The following FUS variants were observed in gnomAD, a reference collection of about 807,000 sequenced individuals.
The protein encoded by FUS is RNA-binding protein FUS.
A neutral mutation model predicts 82.7 loss-of-function variants in FUS; 5 were observed. That is an observed-to-expected ratio of 0.06 (90% CI 0.03 to 0.13). FUS has a LOEUF of 0.13. Among genes scored for constraint, FUS ranks in the 10% least tolerant of loss-of-function variants. The pLI is 1.00. For missense variants in FUS, 512 were observed against 707.8 expected (o/e 0.72, Z 3.14); for synonymous variants, 281 against 247.4 (o/e 1.14, Z -1.27).
At chr16:31,190,168 G>T (rs377547912) in intron 11 of FUS, 27 bp downstream of exon 11, 35 of 1,613,962 alleles carry the variant, frequency 2.2e-5, no homozygotes, top group Non-Finnish European at 2.9e-5. Context: ...TAGTGGTGCA[G>T]AGGGGTAATG....
chr16:31,183,481 C>A, intron 3 of FUS: 1 of 268,698 alleles, frequency 3.7e-6, no homozygotes, highest in Non-Finnish European at 7.3e-6. Flanking sequence ...TCATGTGATA[C>A]ATAAGGAGGT....
chr16:31,194,633 A>G (rs1391939681), downstream of FUS: 4 of 490,198 alleles, frequency 8.2e-6, no homozygotes, highest in South Asian at 3.1e-5. Context: ...ATTAACTTGT[A>G]TATATTTATG....
At chr16:31,182,071 A>G (rs1355651653) in intron 1 of FUS, 6 of 384,552 alleles carry the variant, frequency 1.6e-5, no homozygotes, top group Non-Finnish European at 2.5e-5. Flanking sequence ...GCTCACTGCA[A>G]CCTCTGCCTC....
At position 31,184,923 on chromosome 16, in the gene FUS, CT is replaced by C. The variant is rs755045476; in HGVS notation, c.524-13del. ...TTTTTGTTTTTTTTTTTTAATCATTCTTTCTTTTCTCACAGGTAACTATGGC... is the reference window on the plus strand; with the variant it reads ...TTTTTGTTTTTTTTTTTTAATCATTCTTCTTTTCTCACAGGTAACTATGGC... On this transcript the variant is annotated splice_polypyrimidine_tract_variant and intron_variant, in intron 5 of 14. Transcript: ENST00000254108. 3.7e-5 allele frequency: 59 copies of C among 1,586,396 alleles called. No homozygotes were observed. The highest frequency in any genetic ancestry group is 5.1e-5 in the Non-Finnish European group (59 of 1,162,814).
chr16:31,185,391 T>C, intron 6 of FUS: 1 of 644,496 alleles, frequency 1.6e-6, no homozygotes, highest in Admixed American at 2.7e-5. Context: ...TACCACTGAA[T>C]AGAGATTTTG....
At chr16:31,188,379 T>C in intron 8 of FUS, 22 bp downstream of exon 8, 1 of 1,613,308 alleles carries the variant, frequency 6.2e-7, no homozygotes. Context: ...CGTGGTGGCA[T>C]GAAAAGAGTG....
At chr16:31,185,281 T>G in intron 6 of FUS, 102 bp downstream of exon 6, 1 of 1,351,278 alleles carries the variant, frequency 7.4e-7, no homozygotes, top group Non-Finnish European at 1.0e-6. Context: ...GTATTCTTGT[T>G]GTCTAGGGAT....
At chr16:31,191,336 AG>A in intron 14 of FUS, 62 bp from the exon 15 acceptor site, 1 of 1,595,522 alleles carries the variant, frequency 6.3e-7, no homozygotes, top group Non-Finnish European at 8.6e-7. Flanking sequence ...TAGGATATCT[AG>A]GCTTGGAGAG....
At chr16:31,182,464 G>C in intron 2 of FUS, 42 bp downstream of exon 2, 1 of 1,614,202 alleles carries the variant, frequency 6.2e-7, no homozygotes, top group Non-Finnish European at 8.5e-7. Flanking sequence ...TAGAGGGCAA[G>C]GGTGGTCACG....
At position 31,182,441 on chromosome 16, in the gene FUS, C is replaced by T. The variant is rs771754425; in HGVS notation, c.38+19C>T. On this transcript the variant is annotated intron_variant, in intron 2 of 14. Coordinates refer to ENST00000254108, the MANE Select transcript of FUS (RefSeq NM_004960.4). ...CCCAAAGGTGAGTGCTATTTTTGGGCTTCCAGAGTTTGTAGAGGGCAAGGG... is the reference window on the plus strand; with the variant it reads ...CCCAAAGGTGAGTGCTATTTTTGGGTTTCCAGAGTTTGTAGAGGGCAAGGG... The T allele has an allele frequency of 1.2e-6, 2 of 1,614,060 alleles. No individual in the cohort carries two copies. Among genetic ancestry groups the T allele is most frequent in the Non-Finnish European group, 1.7e-6 (2 of 1,180,018 alleles).
intron 5 of FUS, 94 bp from the exon 6 acceptor site, chr16:31,184,845 A>G (rs1354935279): frequency 3.1e-6 from 4 of 1,280,244 alleles, no homozygotes; most frequent in African/African-American, 1.5e-5. Context: ...TTTGTCCTTC[A>G]TTGCCTGGCA....
At chr16:31,182,363 G>A (rs2079191862) in intron 1 of FUS, 35 bp from the exon 2 acceptor site, 1 of 1,612,780 alleles carries the variant, frequency 6.2e-7, no homozygotes, top group Non-Finnish European at 8.5e-7. Flanking sequence ...CAGAGTGGCA[G>A]CTGAAGATAA....
At chr16:31,191,933 C>G (rs975736590), downstream of FUS, 8 of 534,104 alleles carry the variant, frequency 1.5e-5, no homozygotes, top group Non-Finnish European at 2.9e-5. Context: ...ACTCTTTGAT[C>G]TTTTGGCCCT....
downstream of FUS, chr16:31,192,753 T>C (rs2079378195): frequency 2.1e-6 from 1 of 479,496 alleles, no homozygotes; most frequent in Non-Finnish European, 4.1e-6. Context: ...GCATTTTTAG[T>C]GGAGGTGTGG....
chr16:31,189,688 C>G lies in FUS; in HGVS notation c.960C>G (p.Pro320=), dbSNP rs759863892. 4 of 1,614,128 alleles carry G rather than the reference C, an allele frequency of 2.5e-6. No homozygotes were observed. In the East Asian group the frequency reaches 8.9e-5, roughly 36 times the overall value. ...AGACAAACAAGAAAACGGGACAGCC[C>G]ATGATTAATTTGTACACAGACAGGG... ...IIKTNKKTGQ[P]MINLYTDRET... The change falls in exon 10 of 15, where the codon CCC becomes CCG. Residue 320 remains proline (P), a synonymous_variant. Transcript: ENST00000254108.
chr16:31,182,166 T>G, intron 1 of FUS: 2 of 542,648 alleles, frequency 3.7e-6, no homozygotes, highest in South Asian at 2.0e-5. Context: ...ATTTTTTGTA[T>G]TTTTATTAGA....
chr16:31,182,915 C>A (rs146928080), intron 3 of FUS: 1 of 472,088 alleles, frequency 2.1e-6, no homozygotes. Flanking sequence ...GGGGTTTCAC[C>A]GTGTTGGACA....
chr16:31,187,090 T>A, intron 7 of FUS: 1 of 566,308 alleles, frequency 1.8e-6, no homozygotes, highest in Non-Finnish European at 3.2e-6. Context: ...CTAGTAGGCC[T>A]TGGACTGGGC....
At chr16:31,194,294 A>G, downstream of FUS, 1 of 483,898 alleles carries the variant, frequency 2.1e-6, no homozygotes. Context: ...TCCTTTTTAA[A>G]TTTTTTTTTT....
Sources: allele counts gnomAD v4.1 joint callset, GRCh38; gene constraint gnomAD v4.1.1; transcripts MANE v1.5; gene names NCBI Gene and HGNC (gene_info 2026-07-23, HGNC 2026-07-21).